RASGEF1B: variants seen among roughly 807,000 people sequenced by gnomAD.
RASGEF1B encodes the protein ras-GEF domain-containing family member 1B.
A neutral mutation model predicts 65.7 loss-of-function variants in RASGEF1B; 30 were observed. The ratio of observed to expected loss-of-function variants is 0.46; its 90% CI spans 0.34 to 0.62. The LOEUF is 0.62. Among genes scored for constraint, RASGEF1B ranks in the 20% least tolerant of loss-of-function variants. RASGEF1B has a pLI of 0.01. For synonymous variants in RASGEF1B, 175 were observed against 194.8 expected, an observed-to-expected ratio of 0.90 and a Z score of 0.85; for missense variants, 495 against 580.1, an observed-to-expected ratio of 0.85 and a Z score of 1.51.
intron 10 of RASGEF1B, among the ~76,000 whole-genome samples, chr4:81,439,543 C>T (rs1218779764): frequency 6.6e-6 from 1 of 152,182 alleles, no homozygotes; most frequent in Non-Finnish European, 1.5e-5. Flanking sequence ...CTCCCTGGGG[C>T]AGAGCCCACC....
chr4:81,452,230 C>A (rs545143364), intron 4 of RASGEF1B: 1 of 152,478 alleles, frequency 6.6e-6, no homozygotes, highest in African/African-American at 2.4e-5. Flanking sequence ...CCTGCCTCAG[C>A]CTCCCAAGTA....
At position 81,467,999 on chromosome 4, in the gene RASGEF1B, C is replaced by A. The variant is rs540993499; in HGVS notation, c.-7+3771G>T. On this transcript the variant is annotated intron_variant, in intron 1 of 13. Coordinates refer to ENST00000264400, the MANE Select transcript of RASGEF1B (RefSeq NM_152545.3). Reference sequence around the variant, plus strand: ...TTAGCACTTAAAATGTGGCTTATTGCAACTGAAAAACTAAATTTTAAATTT... The same window carrying A: ...TTAGCACTTAAAATGTGGCTTATTGAAACTGAAAAACTAAATTTTAAATTT... Among the ~76,000 whole-genome samples the A allele has an allele frequency of 1.8e-4, 28 of 152,194 alleles. No individual in the cohort carries two copies. The South Asian group carries it at 2.7e-3, about 15-fold the overall frequency.
At chr4:81,462,945 T>C (rs1383890179) in intron 1 of RASGEF1B, among the ~76,000 whole-genome samples, 1 of 152,178 alleles carries the variant, frequency 6.6e-6, no homozygotes, top group African/African-American at 2.4e-5. Flanking sequence ...TCAGAAAAAC[T>C]GTAATAACTC....
intron 13 of RASGEF1B, among the ~76,000 whole-genome samples, chr4:81,431,281 T>C (rs1209567813): frequency 6.7e-6 from 1 of 149,820 alleles, no homozygotes; most frequent in Non-Finnish European, 1.5e-5. Context: ...AGTCAATGCA[T>C]TATTAGTTCT....
intron 4 of RASGEF1B, among the ~76,000 whole-genome samples, chr4:81,449,740 G>C (rs1340129090): frequency 6.6e-6 from 1 of 152,128 alleles, no homozygotes; most frequent in African/African-American, 2.4e-5. Flanking sequence ...ACAAGTATAA[G>C]ACCCATAGTT....
At chr4:81,466,937 TAAAAAAAA>T (rs760715662) in intron 1 of RASGEF1B, among the ~76,000 whole-genome samples, 5 of 94,726 alleles carry the variant, frequency 5.3e-5, no homozygotes, top group Admixed American at 2.3e-4. Context: ...CTTACCTCCT[TAAAAAAAA>T]AAAAAAAAAA....
intron 4 of RASGEF1B, 123 bp downstream of exon 4, chr4:81,456,526 GGA>G (rs1343024101): frequency 1.1e-6 from 1 of 944,904 alleles, no homozygotes; most frequent in South Asian, 1.3e-5. Flanking sequence ...TATGTGATGT[GGA>G]GGGCTTGCCC....
chr4:81,460,473 C>T (rs748436), intron 1 of RASGEF1B, among the ~76,000 whole-genome samples: 67,638 of 152,086 alleles, frequency 0.44, 17,637 homozygotes, highest in African/African-American at 0.73. Context: ...CTCCAAGCTA[C>T]GGACTGACAG....
intron 1 of RASGEF1B, among the ~76,000 whole-genome samples, chr4:81,466,116 A>C (rs976468874): frequency 6.6e-6 from 1 of 152,194 alleles, no homozygotes; most frequent in Non-Finnish European, 1.5e-5. Context: ...GAACTTTGAA[A>C]GCATATTTGT....
chr4:81,434,707 T>C lies in RASGEF1B; in HGVS notation c.1132A>G (p.Ile378Val). Residue 378 changes from isoleucine (I) to valine (V), a missense_variant, in exon 11 of 14, where the codon ATC becomes GTC. Ile to Val is a conservative substitution (Grantham distance 29, BLOSUM62 3). Coordinates refer to ENST00000264400, the MANE Select transcript of RASGEF1B (RefSeq NM_152545.3). ...KIVIPFFSLL[I>V]KDIYFLNEGC... is the part of the protein sequence containing the mutation. ...TCATTGAGGAAATAAATATCTTTGA[T>C]TAAGAGACTGAAGAATGGTATCACA... 1 of 1,599,104 alleles carries C rather than the reference T, an allele frequency of 6.3e-7. No homozygotes were observed. Among genetic ancestry groups the C allele is most frequent in the Middle Eastern group, 1.7e-4 (1 of 6,040 alleles).
At chr4:81,465,563 C>T (rs567893327) in intron 1 of RASGEF1B, among the ~76,000 whole-genome samples, 54 of 152,306 alleles carry the variant, frequency 3.5e-4, no homozygotes, top group African/African-American at 1.3e-3. Context: ...ATTGATCCAG[C>T]AGCAAGGAAG....
chr4:81,465,017 G>A (rs1471013804), intron 1 of RASGEF1B, among the ~76,000 whole-genome samples: 2 of 151,618 alleles, frequency 1.3e-5, no homozygotes, highest in African/African-American at 4.8e-5. Flanking sequence ...CTGGGAAGCG[G>A]AGGTTGTTGT....
intron 1 of RASGEF1B, among the ~76,000 whole-genome samples, chr4:81,462,949 A>G (rs1296196151): frequency 1.3e-5 from 2 of 152,166 alleles, no homozygotes; most frequent in Non-Finnish European, 2.9e-5. Flanking sequence ...AAAAACTGTA[A>G]TAACTCGCTT....
chr4:81,465,199 T>A (rs1300348250), intron 1 of RASGEF1B, among the ~76,000 whole-genome samples: 1 of 152,192 alleles, frequency 6.6e-6, no homozygotes, highest in Non-Finnish European at 1.5e-5. Context: ...TGGGTACAGC[T>A]ATTGAAATGG....
Position 81,456,906 on chromosome 4 carries a change from A to G in RASGEF1B, c.301-118T>C, listed in dbSNP as rs553087518. 504 of 881,986 alleles carry G rather than the reference A, an allele frequency of 5.7e-4. 1 individual carries two copies. The highest frequency in any genetic ancestry group is 7.7e-4 in the Non-Finnish European group (449 of 580,998). 54.6% of individuals were successfully genotyped at this position (881,986 alleles called of 1,614,324 possible). On this transcript the variant is annotated intron_variant, in intron 3 of 13. Coordinates refer to ENST00000264400, the MANE Select transcript of RASGEF1B (RefSeq NM_152545.3). Reference sequence around the variant, plus strand: ...AGTGCAAAGTCTTTAGGGATGAAGAAGAAGCTCCAGCCCCCCTCCCTCCAT... The same window carrying G: ...AGTGCAAAGTCTTTAGGGATGAAGAGGAAGCTCCAGCCCCCCTCCCTCCAT...
intron 8 of RASGEF1B, 103 bp downstream of exon 8, chr4:81,445,423 A>G: frequency 2.5e-6 from 2 of 807,330 alleles, no homozygotes; most frequent in South Asian, 3.3e-5. Context: ...GGATTAAAAA[A>G]TACAGTCTGT....
At chr4:81,466,770 A>AAAAAAAAAAGAAAGAAAGAAAGAAAG (rs748492254) in intron 1 of RASGEF1B, among the ~76,000 whole-genome samples, 1 of 36,100 alleles carries the variant, frequency 2.8e-5, no homozygotes, top group Non-Finnish European at 5.3e-5. Context: ...AAAAAAAAAA[A>AAAAAAAAAAGAAAGAAAGAAAGAAAG]AAAGAAAGAA....
intron 10 of RASGEF1B, among the ~76,000 whole-genome samples, chr4:81,437,392 G>C (rs1721667459): frequency 6.6e-6 from 1 of 152,140 alleles, no homozygotes; most frequent in Non-Finnish European, 1.5e-5. Flanking sequence ...GCACTTAGAG[G>C]ATAATAAGGA....
chr4:81,429,248 G>C (rs1721333506), intron 13 of RASGEF1B, among the ~76,000 whole-genome samples: 1 of 152,142 alleles, frequency 6.6e-6, no homozygotes, highest in African/African-American at 2.4e-5. Context: ...ATTGGAGCTG[G>C]GCCATGAGAA....
Sources: gnomAD v4.1 joint callset for allele counts (sites outside exome capture counted in the v4.1 genomes callset) on GRCh38, gnomAD v4.1.1 for gene constraint, MANE v1.5 for transcripts, NCBI Gene and HGNC (gene_info 2026-07-23, HGNC 2026-07-21) for gene names.